The following KDM2A variants were observed in gnomAD, a reference collection of about 807,000 sequenced individuals.
KDM2A encodes lysine-specific demethylase 2A.
In KDM2A, 3 loss-of-function variants were observed where a neutral mutation model predicts 137.3. The ratio of observed to expected loss-of-function variants is 0.02; its 90% CI spans 0.01 to 0.06. The LOEUF (loss-of-function observed/expected upper bound fraction) is 0.06. KDM2A is among the 10% of genes least tolerant of loss of function. The probability of loss-of-function intolerance (pLI) is 1.00; values close to 1 mark genes in which losing one functional copy is unlikely to be tolerated. For synonymous variants in KDM2A, 512 were observed against 541.5 expected (o/e 0.95, Z 0.76); for missense variants, 738 against 1,510.6 (o/e 0.49, Z 8.48).
In KDM2A at chr11:67,169,445, T is replaced by G. The variant is rs1856827237; in HGVS notation, c.43-10634T>G. On this transcript the variant is annotated intron_variant, in intron 2 of 20. Transcript: ENST00000529006. ...CCCAGGCTGAAATGCAGTGGCACCA[T>G]CTCGGCTCACTGCAACCTCTGCCTC... Among the ~76,000 whole-genome samples, 2 of 148,708 alleles carry G rather than the reference T, an allele frequency of 1.3e-5. 1 individual carries two copies. The highest frequency in any genetic ancestry group is 4.5e-4 in the South Asian group (2 of 4,476).
intron 5 of KDM2A, among the ~76,000 whole-genome samples, chr11:67,206,600 G>A (rs1857811617): frequency 6.6e-6 from 1 of 152,182 alleles, no homozygotes. Context: ...AGGTGGGGTA[G>A]TGGCGTGTGC....
intron 10 of KDM2A, among the ~76,000 whole-genome samples, chr11:67,227,566 A>AGGAAGTTGTT (rs1477718885): frequency 6.6e-6 from 1 of 151,314 alleles, no homozygotes; most frequent in East Asian, 1.9e-4. Flanking sequence ...TTCCTCAAGT[A>AGGAAGTTGTT]CCTTTTTTTG....
At chr11:67,156,547 C>G (rs1161817008) in intron 2 of KDM2A, among the ~76,000 whole-genome samples, 1 of 151,874 alleles carries the variant, frequency 6.6e-6, no homozygotes, top group Non-Finnish European at 1.5e-5. Context: ...GAAACCCCGT[C>G]TCTACTAGAA....
intron 10 of KDM2A, among the ~76,000 whole-genome samples, chr11:67,227,205 C>G (rs1367476508): frequency 6.6e-6 from 1 of 152,188 alleles, no homozygotes; most frequent in Non-Finnish European, 1.5e-5. Flanking sequence ...TTTTGGCAGA[C>G]TACAAAGTAT....
At position 67,172,450 on chromosome 11, in the gene KDM2A, T is replaced by C. The variant is rs192663744; in HGVS notation, c.43-7629T>C. On this transcript the variant is annotated intron_variant, in intron 2 of 20. Transcript: ENST00000529006. ...CTATTTAGCTACCATTTAATTTCCT[T>C]CAACAATGCTTTGTAGCTTTCTGGT... Among the ~76,000 whole-genome samples, 146 of 152,338 alleles carry C rather than the reference T, an allele frequency of 9.6e-4. 1 individual carries two copies. Among genetic ancestry groups the C allele is most frequent in the African/African-American group, 3.5e-3 (145 of 41,580 alleles).
Position 67,250,152 on chromosome 11 carries a change from T to C in KDM2A, c.2122T>C (p.Cys708Arg), listed in dbSNP as rs1334692040. The C allele has an allele frequency of 6.2e-7, 1 of 1,613,370 alleles. No homozygotes were observed. The highest frequency in any genetic ancestry group is 8.5e-7 in the Non-Finnish European group (1 of 1,179,676). Residue 708 changes from cysteine (C) to arginine (R), a missense_variant, in exon 17 of 21, where the codon TGC (cysteine) becomes CGC (arginine). Physicochemically the swap from Cys to Arg is radical, Grantham distance 180. Transcript: ENST00000529006. This position sits in a 1 kb window ranked among gnomAD's most constrained non-coding sequence, Gnocchi z 7.1. ...QAKVLRPLRS[C>R]DEPLTPPPHS... ...CAAAGTCCTGCGGCCCCTGCGGAGC[T>C]GCGATGAGCCTCTCACGCCCCCGCC...
intron 2 of KDM2A, among the ~76,000 whole-genome samples, chr11:67,173,303 G>C (rs1254076385): frequency 6.6e-6 from 1 of 152,200 alleles, no homozygotes; most frequent in African/African-American, 2.4e-5. Flanking sequence ...CGTATTTTTA[G>C]TAGAGACGGG....
intron 6 of KDM2A, among the ~76,000 whole-genome samples, chr11:67,211,613 C>CA (rs377116306): frequency 0.8 from 40,135 of 50,244 alleles, 18,222 homozygotes; most frequent in Non-Finnish European, 0.92. Context: ...GACCCTGTCT[C>CA]AAAAAAAAAA....
chr11:67,171,081 CT>C (rs1856872243), intron 2 of KDM2A, among the ~76,000 whole-genome samples: 2 of 152,164 alleles, frequency 1.3e-5, no homozygotes, highest in South Asian at 4.1e-4. Context: ...GTTACAGTAC[CT>C]GGCACATGGT....
At chr11:67,240,419 A>G (rs914330343) in intron 12 of KDM2A, 2 of 1,473,962 alleles carry the variant, frequency 1.4e-6, no homozygotes, top group Non-Finnish European at 9.1e-7. Flanking sequence ...GCGTGTAACT[A>G]TAGGGACTTT....
intron 5 of KDM2A, among the ~76,000 whole-genome samples, chr11:67,203,860 G>A (rs1053854827): frequency 2.0e-5 from 3 of 151,430 alleles, no homozygotes; most frequent in African/African-American, 7.3e-5. Flanking sequence ...GAGTGCAGTG[G>A]TGCGATCTTG....
At chr11:67,204,790 T>G (rs940088773) in intron 5 of KDM2A, among the ~76,000 whole-genome samples, 2 of 152,192 alleles carry the variant, frequency 1.3e-5, no homozygotes, top group African/African-American at 4.8e-5. Flanking sequence ...CAAACCCAGC[T>G]GATACAGTGT....
At chr11:67,145,081 A>C (rs1349257216) in intron 2 of KDM2A, among the ~76,000 whole-genome samples, 1 of 149,088 alleles carries the variant, frequency 6.7e-6, no homozygotes, top group Non-Finnish European at 1.5e-5. Flanking sequence ...CATGTTGGCC[A>C]GGCGGGTCTT....
intron 8 of KDM2A, among the ~76,000 whole-genome samples, chr11:67,216,313 C>G (rs1858158929): frequency 6.6e-6 from 1 of 152,168 alleles, no homozygotes; most frequent in South Asian, 2.1e-4. Context: ...TGGATAGATT[C>G]ACTGTGAAAT....
At chr11:67,178,384 G>A (rs904960343) in intron 2 of KDM2A, among the ~76,000 whole-genome samples, 2 of 152,128 alleles carry the variant, frequency 1.3e-5, no homozygotes, top group African/African-American at 4.8e-5. Context: ...CAGCCTGCGC[G>A]ACAGAGCACA....
chr11:67,245,063 C>T lies in KDM2A; in HGVS notation c.1564-126C>T. On this transcript the variant is annotated intron_variant, in intron 13 of 20. Transcript: ENST00000529006. The surrounding 1 kb of genome is among the most constrained non-coding windows in gnomAD (Gnocchi z 4.1). ...GTGTCAATAAAATTTATTCTAGAAA[C>T]AAGCAGTGGGCAGATCTGGCCATAG... 1 of 916,414 alleles carries T rather than the reference C, an allele frequency of 1.1e-6. No homozygotes were observed. The highest frequency in any genetic ancestry group is 1.6e-5 in the South Asian group (1 of 61,242). 56.8% of individuals were successfully genotyped at this position (916,414 alleles called of 1,614,324 possible).
intron 2 of KDM2A, among the ~76,000 whole-genome samples, chr11:67,159,606 T>C (rs1186266237): frequency 6.6e-6 from 1 of 152,212 alleles, no homozygotes; most frequent in Admixed American, 6.5e-5. Context: ...GATTTTCCCA[T>C]TGTAATGGTA....
At position 67,255,519 on chromosome 11, in the gene KDM2A, ACT is replaced by A. The variant is rs929345809; in HGVS notation, c.*468_*469del. The A allele has an allele frequency of 6.6e-6, 3 of 455,890 alleles. No individual in the cohort carries two copies. The highest frequency in any genetic ancestry group is 4.7e-5 in the Admixed American group (2 of 42,494). 28.2% of individuals were successfully genotyped at this position (455,890 alleles called of 1,614,324 possible). The stretch of plus-strand genomic sequence containing the variant: ...CCAGTGCGCGTCTCTCCTCCATCAC[ACT>A]CTCCCGGCTTGCGCAGGAGGGGCCA... On this transcript the variant is annotated 3_prime_UTR_variant, in exon 21 of 21. Transcript: ENST00000529006.
intron 5 of KDM2A, among the ~76,000 whole-genome samples, chr11:67,190,881 G>A (rs1451390506): frequency 6.6e-6 from 1 of 152,068 alleles, no homozygotes; most frequent in African/African-American, 2.4e-5. Context: ...AATTTGAATA[G>A]AACTATATTG....
Sources: allele counts gnomAD v4.1 joint callset (sites outside exome capture counted in the v4.1 genomes callset), GRCh38; gene constraint gnomAD v4.1.1; non-coding constraint Gnocchi (gnomAD v3.1); transcripts MANE v1.5; gene names NCBI Gene and HGNC (gene_info 2026-07-23, HGNC 2026-07-21).